The following STRBP variants were observed in gnomAD, a reference collection of about 807,000 sequenced individuals.
The protein encoded by STRBP is spermatid perinuclear RNA-binding protein.
Under a neutral mutation model 80.1 loss-of-function variants are expected in STRBP, and 13 were observed. The observed-to-expected ratio is 0.16, with a 90% CI of 0.11 to 0.26. STRBP has a LOEUF of 0.26. Ranked by LOEUF, STRBP falls within the 10% of genes least tolerant of loss-of-function variation. The pLI is 1.00. For synonymous variants in STRBP, 284 were observed against 291.2 expected, an observed-to-expected ratio of 0.98 and a Z score of 0.25; for missense variants, 485 against 815.2, an observed-to-expected ratio of 0.59 and a Z score of 4.93.
chr9:123,203,224 C>T (rs2039390214), intron 2 of STRBP, among the ~76,000 whole-genome samples: 1 of 151,804 alleles, frequency 6.6e-6, no homozygotes, highest in Admixed American at 6.6e-5. Flanking sequence ...CGTGTGCCTT[C>T]AGTCCTAACT....
chr9:123,217,901 CCAGAT>C (rs1023414268), intron 2 of STRBP, among the ~76,000 whole-genome samples: 1 of 152,168 alleles, frequency 6.6e-6, no homozygotes, highest in African/African-American at 2.4e-5. Flanking sequence ...GCTTGTCAGT[CCAGAT>C]ATTTCAATGG....
intron 2 of STRBP, among the ~76,000 whole-genome samples, chr9:123,230,347 G>T (rs918284003): frequency 6.6e-6 from 1 of 152,136 alleles, no homozygotes; most frequent in Non-Finnish European, 1.5e-5. Flanking sequence ...ACATTGAATT[G>T]TCATTTACAC....
chr9:123,120,688 T>C (rs573034286), downstream of STRBP, among the ~76,000 whole-genome samples: 1 of 152,304 alleles, frequency 6.6e-6, no homozygotes, highest in South Asian at 2.1e-4. Context: ...ATTAACCACT[T>C]TGTCCTTTGT....
At chr9:123,222,449 C>T (rs1439576001) in intron 2 of STRBP, among the ~76,000 whole-genome samples, 1 of 152,174 alleles carries the variant, frequency 6.6e-6, no homozygotes, top group Non-Finnish European at 1.5e-5. Flanking sequence ...ATGCTCATCT[C>T]TGCTGGCTGC....
chr9:123,235,085 G>A (rs1003152428), intron 2 of STRBP, among the ~76,000 whole-genome samples: 1 of 149,174 alleles, frequency 6.7e-6, no homozygotes, highest in African/African-American at 2.5e-5. Context: ...CATACCTTAT[G>A]TAACCACTGA....
chr9:123,203,082 G>A (rs1352350740), intron 2 of STRBP, among the ~76,000 whole-genome samples: 2 of 152,078 alleles, frequency 1.3e-5, no homozygotes, highest in African/African-American at 4.8e-5. Context: ...ATCCAGGCAT[G>A]GTGACTCACA....
At chr9:123,256,158 A>C (rs2041025334) in intron 1 of STRBP, among the ~76,000 whole-genome samples, 2 of 150,608 alleles carry the variant, frequency 1.3e-5, no homozygotes, top group Non-Finnish European at 2.9e-5. Context: ...CAAGTAACTG[A>C]GACTACAGGC....
intron 16 of STRBP, among the ~76,000 whole-genome samples, chr9:123,134,983 T>G (rs1232252207): frequency 6.6e-6 from 1 of 152,246 alleles, no homozygotes; most frequent in Non-Finnish European, 1.5e-5. Context: ...GATCCTAGAA[T>G]TTAAGCAGTG....
At chr9:123,147,547 C>T (rs916288571) in intron 12 of STRBP, among the ~76,000 whole-genome samples, 2 of 151,764 alleles carry the variant, frequency 1.3e-5, no homozygotes, top group African/African-American at 2.4e-5. Context: ...CGTGGTGGCA[C>T]GCACCTGTGA....
chr9:123,209,592 A>G (rs1480579075), intron 2 of STRBP, among the ~76,000 whole-genome samples: 3 of 152,226 alleles, frequency 2.0e-5, no homozygotes. Flanking sequence ...ACATGTAAAG[A>G]GGATGGCTCT....
chr9:123,202,229 T>G (rs2039353170), intron 2 of STRBP, among the ~76,000 whole-genome samples: 1 of 152,232 alleles, frequency 6.6e-6, no homozygotes, highest in African/African-American at 2.4e-5. Flanking sequence ...ATGCTAATAT[T>G]GAGATGTGAA....
intron 1 of STRBP, among the ~76,000 whole-genome samples, chr9:123,251,232 A>AAAG (rs572479962): frequency 1.3e-5 from 2 of 150,684 alleles, no homozygotes; most frequent in East Asian, 1.9e-4. Flanking sequence ...TCCCTCTCTC[A>AAAG]AAGAAGAAGA....
At chr9:123,199,089 C>A (rs758315690) in intron 2 of STRBP, among the ~76,000 whole-genome samples, 4 of 152,288 alleles carry the variant, frequency 2.6e-5, no homozygotes, top group Middle Eastern at 3.4e-3. Context: ...GGACTACAGG[C>A]ACGTGCCACC....
chr9:123,243,134 A>G (rs572019475), intron 1 of STRBP, among the ~76,000 whole-genome samples: 10 of 151,760 alleles, frequency 6.6e-5, no homozygotes, highest in African/African-American at 9.7e-5. Context: ...TCGATGGAGT[A>G]GAACAGAGAA....
intron 1 of STRBP, among the ~76,000 whole-genome samples, chr9:123,261,548 C>T (rs2041161413): frequency 6.6e-6 from 1 of 152,152 alleles, no homozygotes; most frequent in Non-Finnish European, 1.5e-5. Flanking sequence ...TGACCAACTT[C>T]AAAAGTCAAT....
intron 1 of STRBP, among the ~76,000 whole-genome samples, chr9:123,264,539 G>A (rs536872188): frequency 3.3e-5 from 5 of 152,194 alleles, no homozygotes; most frequent in Admixed American, 6.5e-5. Context: ...CCGTATTTAC[G>A]TAGCTCCAGT....
chr9:123,165,874 A>G lies in STRBP; in HGVS notation c.535+4028T>C, dbSNP rs560076299. On this transcript the variant is annotated intron_variant, in intron 6 of 18. Coordinates refer to ENST00000348403, the MANE Select transcript of STRBP (RefSeq NM_018387.5). ...GGGCTTTTAAAATAAACCATATGTG[A>G]GGAAGTGCTTATCACATGGTAGGTT... Among the ~76,000 whole-genome samples, 5 of 152,322 alleles carry G rather than the reference A, an allele frequency of 3.3e-5. 1 individual carries two copies. In the South Asian group the frequency reaches 1.0e-3, roughly 32 times the overall value.
At chr9:123,175,319 G>C (rs1375070086) in intron 4 of STRBP, among the ~76,000 whole-genome samples, 2 of 152,178 alleles carry the variant, frequency 1.3e-5, no homozygotes, top group Non-Finnish European at 2.9e-5. Context: ...GCAGAATCTT[G>C]ATCTACCTAG....
At chr9:123,234,952 G>A (rs1213586423) in intron 2 of STRBP, among the ~76,000 whole-genome samples, 4 of 135,716 alleles carry the variant, frequency 2.9e-5, no homozygotes, top group Non-Finnish European at 6.3e-5. Context: ...TAAAAAAAAA[G>A]TTTAAAAAAA....
Sources: gnomAD v4.1 joint callset for allele counts (sites outside exome capture counted in the v4.1 genomes callset) on GRCh38, gnomAD v4.1.1 for gene constraint, MANE v1.5 for transcripts, NCBI Gene and HGNC (gene_info 2026-07-23, HGNC 2026-07-21) for gene names.